Variants in SLC6A2 observed in about 807,000 individuals in gnomAD.
SLC6A2 encodes sodium-dependent noradrenaline transporter.
SLC6A2 carries 26 observed loss-of-function variants against 71.7 expected under a neutral mutation model. The observed-to-expected ratio is 0.36, with a 90% CI of 0.27 to 0.50. The LOEUF (loss-of-function observed/expected upper bound fraction) is 0.50, where lower values mean the gene tolerates loss of function less well. Among genes scored for constraint, SLC6A2 ranks in the 20% least tolerant of loss-of-function variants. The pLI is 0.96. For missense variants in SLC6A2, 581 were observed against 803.9 expected (o/e 0.72, Z 3.35); for synonymous variants, 363 against 337.9 (o/e 1.07, Z -0.82).
rs1964460854 is a variant in SLC6A2 at position 55,656,734 on chromosome 16, A to T, written c.40A>T (p.Asn14Tyr). Residue 14 changes from asparagine (N) to tyrosine (Y), a missense_variant, in exon 2 of 15, where the codon AAC becomes TAC. This residue lies in a region of SLC6A2 where 76 missense variants were observed against 79.9 expected (regional missense o/e 0.95). Coordinates refer to ENST00000568943, the MANE Select transcript of SLC6A2 (RefSeq NM_001172501.3). The surrounding 1 kb of genome is among the most constrained non-coding windows in gnomAD (Gnocchi z 4.5). ...GATGAACCCGCAGGTGCAGCCCGAG[A>T]ACAACGGGGCGGACACGGGTCCAGA... ...ARMNPQVQPE[N>Y]NGADTGPEQP... 6.2e-7 allele frequency: 1 copy of T among 1,612,800 alleles called. No individual in the cohort carries two copies. Among genetic ancestry groups the T allele is most frequent in the African/African-American group, 1.3e-5 (1 of 74,882 alleles).
chr16:55,656,815 G>C lies in SLC6A2; in HGVS notation c.121G>C (p.Gly41Arg). 2 of 1,613,404 alleles carry C rather than the reference G, an allele frequency of 1.2e-6. No homozygotes were observed. The highest frequency in any genetic ancestry group is 1.7e-6 in the Non-Finnish European group (2 of 1,179,744). Residue 41 changes from glycine (G) to arginine (R), a missense_variant, in exon 2 of 15, where the codon GGC becomes CGC. Transcript: ENST00000568943. The surrounding 1 kb of genome is among the most constrained non-coding windows in gnomAD (Gnocchi z 4.5). Reference sequence around the variant, plus strand: ...GCTGCTGGTGGTGAAGGAGCGCAACGGCGTCCAGTGCCTGCTGGCGCCCCG... The same window carrying C: ...GCTGCTGGTGGTGAAGGAGCGCAACCGCGTCCAGTGCCTGCTGGCGCCCCG... ...AELLVVKERN[G>R]VQCLLAPRDG...
At chr16:55,695,542 AC>A in intron 8 of SLC6A2, 140 bp downstream of exon 8, 2 of 946,172 alleles carry the variant, frequency 2.1e-6, no homozygotes, top group South Asian at 2.8e-5. Flanking sequence ...CATGTGATTG[AC>A]TTTCCTTTGA....
Position 55,703,861 on chromosome 16 carries a change from C to T in SLC6A2, c.*1515C>T. The T allele has an allele frequency of 1.1e-6, 1 of 952,106 alleles. No homozygotes were observed. The allele number at this position is 952,106 out of a possible 1,614,324, so 59.0% of individuals were successfully genotyped here. On this transcript the variant is annotated 3_prime_UTR_variant, in exon 15 of 15. Coordinates refer to ENST00000568943, the MANE Select transcript of SLC6A2 (RefSeq NM_001172501.3). ...TGCATGAAGAGGATTATGAGGGGAC[C>T]AGGGTGGGGCAGGGAGATGGTTTTG...
rs577442588 is a variant in SLC6A2, at chr16:55,669,791, T to C, written c.406+95T>C. 2,207 of 1,366,514 alleles carry C rather than the reference T, an allele frequency of 1.6e-3. 5 individuals are homozygous for C. Among genetic ancestry groups the C allele is most frequent in the Non-Finnish European group, 2.1e-3 (2,047 of 964,568 alleles). The allele number at this position is 1,366,514 out of a possible 1,614,324, so 84.6% of individuals were successfully genotyped here. On this transcript the variant is annotated intron_variant, in intron 3 of 14. Coordinates refer to ENST00000568943, the MANE Select transcript of SLC6A2 (RefSeq NM_001172501.3). ...CCAGTGGTGAGATCTAAGGTAGACCTCCTGTCATGTGGGATTCACAGGTAT... is the reference window on the plus strand; with the variant it reads ...CCAGTGGTGAGATCTAAGGTAGACCCCCTGTCATGTGGGATTCACAGGTAT...
chr16:55,664,142 GAGGGGCCATCTC>G (rs142112723), intron 2 of SLC6A2, among the ~76,000 whole-genome samples: 118 of 152,272 alleles, frequency 7.7e-4, no homozygotes, highest in African/African-American at 2.6e-3. Flanking sequence ...GGAAATGTCT[GAGGGGCCATCTC>G]AGCTTCAGAA....
At chr16:55,661,492 C>A (rs1478996362) in intron 2 of SLC6A2, among the ~76,000 whole-genome samples, 1 of 152,154 alleles carries the variant, frequency 6.6e-6, no homozygotes, top group Non-Finnish European at 1.5e-5. Flanking sequence ...ATAATAGGGG[C>A]TCCATAAATG....
Position 55,705,239 on chromosome 16 carries a change from G to T in SLC6A2, c.*2893G>T. On this transcript the variant is annotated 3_prime_UTR_variant, in exon 15 of 15. Transcript: ENST00000568943. Reference sequence around the variant, plus strand: ...AGATGAAAACGAGACAAGGGAGAAGGAGAGCTACCAACTCTTGCCAGATAT... The same window carrying T: ...AGATGAAAACGAGACAAGGGAGAAGTAGAGCTACCAACTCTTGCCAGATAT... 6.5e-7 allele frequency: 1 copy of T among 1,536,416 alleles called. No homozygotes were observed. The highest frequency in any genetic ancestry group is 8.7e-7 in the Non-Finnish European group (1 of 1,146,874).
At position 55,702,653 on chromosome 16, in the gene SLC6A2, G is replaced by A. The variant is rs1018411130; in HGVS notation, c.*307G>A. 8.4e-5 allele frequency: 111 copies of A among 1,317,580 alleles called. 1 individual carries two copies. The Admixed American group carries it at 1.9e-3, about 22-fold the overall frequency. The allele number at this position is 1,317,580 out of a possible 1,614,324, so 81.6% of individuals were successfully genotyped here. A position where few individuals can be genotyped will look rare whatever the true frequency, so the allele number is the denominator to read the frequency against. ...CTGCTGAAGCTAGGTTCATGAGGTC[G>A]GAAATCCCCACCACATTTGCCTAGA... On this transcript the variant is annotated 3_prime_UTR_variant, in exon 15 of 15. Coordinates refer to ENST00000568943, the MANE Select transcript of SLC6A2 (RefSeq NM_001172501.3).
At chr16:55,681,014 G>T (rs554005249) in intron 4 of SLC6A2, among the ~76,000 whole-genome samples, 2 of 152,122 alleles carry the variant, frequency 1.3e-5, no homozygotes, top group South Asian at 4.2e-4. Flanking sequence ...CCCTACACCT[G>T]TGCACCTCCT....
chr16:55,667,361 C>T lies in SLC6A2; in HGVS notation c.275-2204C>T, dbSNP rs112460595. Among the ~76,000 whole-genome samples, 256 of 152,354 alleles carry T rather than the reference C, an allele frequency of 1.7e-3. 1 individual carries two copies. Among genetic ancestry groups the T allele is most frequent in the Non-Finnish European group, 3.2e-3 (219 of 68,038 alleles). ...GACAAGCAACTTAACCTTTCTAAGC[C>T]TCAGTTTCCTCATCTGTAAAAGGGA... is the stretch of plus-strand genomic sequence containing the variant. On this transcript the variant is annotated intron_variant, in intron 2 of 14. Transcript: ENST00000568943.
intron 2 of SLC6A2, among the ~76,000 whole-genome samples, chr16:55,668,330 T>G (rs1483869042): frequency 1.3e-5 from 2 of 152,186 alleles, no homozygotes; most frequent in African/African-American, 4.8e-5. Context: ...CTTTGATCTT[T>G]GTGGTGAGGA....
intron 4 of SLC6A2, among the ~76,000 whole-genome samples, chr16:55,684,300 C>CAAAAAAA (rs34610275): frequency 1.5e-5 from 2 of 132,988 alleles, no homozygotes; most frequent in Non-Finnish European, 3.1e-5. Context: ...GAGCCTGTCT[C>CAAAAAAA]AAAAAAAAAA....
chr16:55,665,055 G>C (rs1964712231), intron 2 of SLC6A2, among the ~76,000 whole-genome samples: 1 of 152,300 alleles, frequency 6.6e-6, no homozygotes, highest in East Asian at 1.9e-4. Flanking sequence ...GGTGGACATA[G>C]CTTGGACACC....
chr16:55,702,676 A>G lies in SLC6A2; in HGVS notation c.*330A>G. ...TCGGAAATCCCCACCACATTTGCCT[A>G]GACTTTGGGCACAGGAGTTCTTAGT... On this transcript the variant is annotated 3_prime_UTR_variant, in exon 15 of 15. Transcript: ENST00000568943. 8.0e-6 allele frequency: 10 copies of G among 1,249,484 alleles called. No individual in the cohort carries two copies. In the South Asian group the frequency reaches 9.7e-5, roughly 12 times the overall value. The allele number at this position is 1,249,484 out of a possible 1,614,324, so 77.4% of individuals were successfully genotyped here.
rs1964456667 is a variant in SLC6A2, at chr16:55,656,627, T to C, written c.-51-17T>C. The C allele has an allele frequency of 1.0e-5, 16 of 1,599,492 alleles. No homozygotes were observed. The highest frequency in any genetic ancestry group is 2.2e-5 in the East Asian group (1 of 44,764). On this transcript the variant is annotated splice_polypyrimidine_tract_variant and intron_variant, in intron 1 of 14. Transcript: ENST00000568943. The surrounding 1 kb of genome is among the most constrained non-coding windows in gnomAD (Gnocchi z 4.5). ...GGAACGGCCGGGTAACCACCTCTTT[T>C]CCCTTTATCCAAGCAGAGCCTCGGC... is the stretch of plus-strand genomic sequence containing the variant.
chr16:55,689,140 G>A (rs1353009041), intron 5 of SLC6A2, among the ~76,000 whole-genome samples: 2 of 152,196 alleles, frequency 1.3e-5, no homozygotes, highest in African/African-American at 4.8e-5. Flanking sequence ...GCCTGGGGTG[G>A]AGATGACAGA....
intron 2 of SLC6A2, among the ~76,000 whole-genome samples, chr16:55,667,152 C>T (rs369438483): frequency 5.3e-5 from 8 of 152,116 alleles, no homozygotes; most frequent in African/African-American, 1.9e-4. Context: ...CTGCCTTGGC[C>T]TCCCTAAATG....
chr16:55,684,529 C>T (rs545825156), intron 4 of SLC6A2, among the ~76,000 whole-genome samples: 1 of 152,184 alleles, frequency 6.6e-6, no homozygotes, highest in African/African-American at 2.4e-5. Context: ...AGTAGCTATT[C>T]CCCAATAGGA....
chr16:55,667,756 C>T (rs758292266), intron 2 of SLC6A2, among the ~76,000 whole-genome samples: 1 of 151,824 alleles, frequency 6.6e-6, no homozygotes, highest in Non-Finnish European at 1.5e-5. Context: ...CCAGATCCCC[C>T]ATTTCAGAAC....
Sources: gnomAD v4.1 joint callset for allele counts (sites outside exome capture counted in the v4.1 genomes callset) on GRCh38, gnomAD v4.1.1 for gene constraint, gnomAD v4.1.1 regional missense constraint, Gnocchi (gnomAD v3.1) non-coding constraint, MANE v1.5 for transcripts, NCBI Gene and HGNC (gene_info 2026-07-23, HGNC 2026-07-21) for gene names.